Variants in MBNL2 observed in about 807,000 individuals in gnomAD.
MBNL2 encodes the protein muscleblind-like protein 2.
A neutral mutation model predicts 41.9 loss-of-function variants in MBNL2; 17 were observed. That is an observed-to-expected ratio of 0.41 (90% CI 0.28 to 0.61). The LOEUF is 0.61. MBNL2 is among the 20% of genes least tolerant of loss of function. MBNL2 has a pLI of 0.35. For synonymous variants in MBNL2, 195 were observed against 182.9 expected (o/e 1.07, Z -0.53); for missense variants, 336 against 505.6 (o/e 0.66, Z 3.22).
intron 8 of MBNL2, among the ~76,000 whole-genome samples, chr13:97,384,453 T>C (rs1044372585): frequency 3.3e-5 from 5 of 152,158 alleles, no homozygotes; most frequent in African/African-American, 1.2e-4. Context: ...CTCACAAGTG[T>C]AGCCTCTCAG....
At chr13:97,337,187 C>T (rs969233795) in intron 3 of MBNL2, among the ~76,000 whole-genome samples, 2 of 152,138 alleles carry the variant, frequency 1.3e-5, no homozygotes, top group Non-Finnish European at 2.9e-5. Context: ...CTGCCATGTG[C>T]GGACACAGCA....
At chr13:97,290,105 G>C (rs1324770353) in intron 2 of MBNL2, among the ~76,000 whole-genome samples, 1 of 152,130 alleles carries the variant, frequency 6.6e-6, no homozygotes, top group Admixed American at 6.6e-5. Flanking sequence ...TCCCAAACCA[G>C]TTCTGGTTTG....
the MBNL2 span, among the ~76,000 whole-genome samples, chr13:97,145,281 C>A: frequency 1.3e-5 from 2 of 152,046 alleles, no homozygotes; most frequent in African/African-American, 2.4e-5. Flanking sequence ...CCAGGCCTGA[C>A]TGATCCTGAA....
At chr13:97,321,223 A>C (rs1369657215) in intron 2 of MBNL2, among the ~76,000 whole-genome samples, 1 of 152,164 alleles carries the variant, frequency 6.6e-6, no homozygotes, top group African/African-American at 2.4e-5. Context: ...AAAATATTTT[A>C]CCATAAGTAC....
chr13:97,154,424 C>A, the MBNL2 span, among the ~76,000 whole-genome samples: 1 of 152,112 alleles, frequency 6.6e-6, no homozygotes, highest in Admixed American at 6.6e-5. Flanking sequence ...AAGCAATTCT[C>A]CTGCCTCAGC....
rs770678897 is a variant in MBNL2 at position 97,357,678 on chromosome 13, T to C, written c.1012+43T>C. 8 of 1,591,422 alleles carry C rather than the reference T, an allele frequency of 5.0e-6. No individual in the cohort carries two copies. In the South Asian group the frequency reaches 6.6e-5, roughly 13 times the overall value. On this transcript the variant is annotated intron_variant, in intron 7 of 8. Coordinates refer to ENST00000679496, the MANE Select transcript of MBNL2 (RefSeq NM_001382683.1). ...CCTACGTCCTGTGCCCTTCTGGTCA[T>C]GTGCTTTCTTCTCATTTCTCTAAGC...
chr13:97,238,912 AC>A (rs1458061142), intron 1 of MBNL2, among the ~76,000 whole-genome samples: 9 of 152,202 alleles, frequency 5.9e-5, no homozygotes, highest in Admixed American at 5.2e-4. Flanking sequence ...ATTCTGCTCT[AC>A]CAGGAAAGGT....
At chr13:97,336,810 C>A (rs188121360) in intron 3 of MBNL2, among the ~76,000 whole-genome samples, 1 of 152,144 alleles carries the variant, frequency 6.6e-6, no homozygotes, top group Non-Finnish European at 1.5e-5. Context: ...TTACCGGAAA[C>A]TAATAGATGC....
At chr13:97,347,151 A>T (rs1036312183) in intron 5 of MBNL2, 84 bp downstream of exon 5, 3 of 1,040,568 alleles carry the variant, frequency 2.9e-6, no homozygotes, top group Non-Finnish European at 4.0e-6. Flanking sequence ...TCTTCCAAAC[A>T]CTCGGGAAAC....
At chr13:97,322,245 T>C (rs1417609184) in intron 2 of MBNL2, among the ~76,000 whole-genome samples, 2 of 152,158 alleles carry the variant, frequency 1.3e-5, no homozygotes, top group East Asian at 1.9e-4. Flanking sequence ...GCCCACGCCA[T>C]GGTGCAAGCT....
At chr13:97,342,339 C>A (rs944665186) in intron 3 of MBNL2, among the ~76,000 whole-genome samples, 2 of 152,144 alleles carry the variant, frequency 1.3e-5, no homozygotes, top group Non-Finnish European at 2.9e-5. Flanking sequence ...GGAAACCAAA[C>A]CAACTTTTAA....
At chr13:97,234,240 C>T (rs1459676439) in intron 1 of MBNL2, among the ~76,000 whole-genome samples, 1 of 152,134 alleles carries the variant, frequency 6.6e-6, no homozygotes, top group African/African-American at 2.4e-5. Flanking sequence ...TTGGAGTAAC[C>T]CTAAGCAAAT....
At chr13:97,319,906 G>GA (rs1480811421) in intron 2 of MBNL2, among the ~76,000 whole-genome samples, 1 of 152,256 alleles carries the variant, frequency 6.6e-6, no homozygotes, top group East Asian at 1.9e-4. Context: ...TTCACTGGTA[G>GA]AAAATCATCG....
intron 1 of MBNL2, among the ~76,000 whole-genome samples, chr13:97,236,132 T>C (rs1331746396): frequency 1.3e-5 from 2 of 152,144 alleles, no homozygotes; most frequent in Non-Finnish European, 2.9e-5. Context: ...TACCGACTTA[T>C]TTCCCTCTTT....
At chr13:97,314,693 G>A (rs560898778) in intron 2 of MBNL2, among the ~76,000 whole-genome samples, 2 of 152,300 alleles carry the variant, frequency 1.3e-5, no homozygotes, top group East Asian at 3.9e-4. Context: ...TCTTCTTTGA[G>A]ATAATCCGCA....
chr13:97,173,946 A>G, the MBNL2 span, among the ~76,000 whole-genome samples: 4 of 152,224 alleles, frequency 2.6e-5, no homozygotes, highest in Admixed American at 2.0e-4. Flanking sequence ...CATGTGCCGT[A>G]AAAATTTATC....
At chr13:97,273,269 A>G (rs1490286545) in intron 1 of MBNL2, among the ~76,000 whole-genome samples, 2 of 152,094 alleles carry the variant, frequency 1.3e-5, no homozygotes, top group Non-Finnish European at 2.9e-5. Context: ...TTGGTGCCTC[A>G]TCTCCCTTGA....
At chr13:97,329,434 C>T (rs1223116460) in intron 2 of MBNL2, among the ~76,000 whole-genome samples, 1 of 152,066 alleles carries the variant, frequency 6.6e-6, no homozygotes, top group Non-Finnish European at 1.5e-5. Flanking sequence ...ACAGCAGGAA[C>T]TTCATACCCC....
chr13:97,257,874 A>G (rs1236247395), intron 1 of MBNL2, among the ~76,000 whole-genome samples: 1 of 152,228 alleles, frequency 6.6e-6, no homozygotes, highest in Non-Finnish European at 1.5e-5. Flanking sequence ...CTCGCGCCCA[A>G]GGGCAGATCA....
Sources: gnomAD v4.1 joint callset for allele counts (sites outside exome capture counted in the v4.1 genomes callset) on GRCh38, gnomAD v4.1.1 for gene constraint, MANE v1.5 for transcripts, NCBI Gene and HGNC (gene_info 2026-07-23, HGNC 2026-07-21) for gene names.